LRP6: variants seen among roughly 807,000 people sequenced by gnomAD.
LRP6 encodes the protein LDL receptor related protein 6, also known as low-density lipoprotein receptor-related protein 6.
LRP6 carries 43 observed loss-of-function variants against 184.1 expected under a neutral mutation model. That is an observed-to-expected ratio of 0.23 (90% CI 0.18 to 0.30). LRP6 has a LOEUF of 0.30. LRP6 is among the 10% of genes least tolerant of loss of function. LRP6 has a pLI of 1.00. For missense variants in LRP6, 1,571 were observed against 2,005.3 expected, an observed-to-expected ratio of 0.78 and a Z score of 4.14; for synonymous variants, 719 against 684.9, an observed-to-expected ratio of 1.05 and a Z score of -0.78.
intron 2 of LRP6, among the ~76,000 whole-genome samples, chr12:12,229,079 G>A (rs553637417): frequency 3.3e-5 from 5 of 152,268 alleles, no homozygotes; most frequent in African/African-American, 1.2e-4. Flanking sequence ...TGAGGAAAAT[G>A]AAGAATATCG....
chr12:12,193,546 TGAAAGA>T (rs1412194561), intron 3 of LRP6, among the ~76,000 whole-genome samples: 1 of 150,450 alleles, frequency 6.6e-6, no homozygotes, highest in Non-Finnish European at 1.5e-5. Flanking sequence ...AAGTGATGAA[TGAAAGA>T]GAAACACTGC....
At chr12:12,122,888 T>C (rs1467738560) in intron 22 of LRP6, among the ~76,000 whole-genome samples, 1 of 152,102 alleles carries the variant, frequency 6.6e-6, no homozygotes, top group Non-Finnish European at 1.5e-5. Flanking sequence ...CCAAAAGTTA[T>C]ATGACCCACT....
At chr12:12,175,567 G>A (rs939156793) in intron 7 of LRP6, among the ~76,000 whole-genome samples, 20 of 150,120 alleles carry the variant, frequency 1.3e-4, no homozygotes, top group African/African-American at 4.7e-4. Context: ...GACGCCTGTA[G>A]TCCCAGCTAC....
chr12:12,223,892 T>C (rs917992861), intron 2 of LRP6, among the ~76,000 whole-genome samples: 4 of 152,196 alleles, frequency 2.6e-5, no homozygotes, highest in Admixed American at 1.3e-4. Context: ...CATCCACTTA[T>C]ACTTAACTGT....
chr12:12,244,977 G>C (rs1334345528), intron 1 of LRP6, among the ~76,000 whole-genome samples: 2 of 152,184 alleles, frequency 1.3e-5, no homozygotes, highest in African/African-American at 4.8e-5. Context: ...CTCTACTGGG[G>C]TGAATGTAAA....
intron 1 of LRP6, chr12:12,249,206 T>C (rs149023837): frequency 0.017 from 13,434 of 779,786 alleles, 163 homozygotes; most frequent in Non-Finnish European, 0.024. Context: ...AATGTGGACC[T>C]AAATACCCAG....
Position 12,185,824 on chromosome 12 carries a change from T to G in LRP6, c.844+1099A>C, listed in dbSNP as rs925735709. Among the ~76,000 whole-genome samples the G allele has an allele frequency of 6.7e-5, 8 of 118,984 alleles. No homozygotes were observed. The Admixed American group carries it at 7.7e-4, about 11-fold the overall frequency. 78.1% of individuals were successfully genotyped at this position (118,984 alleles called of 152,430 possible). On this transcript the variant is annotated intron_variant, in intron 4 of 22. Transcript: ENST00000261349. The stretch of plus-strand genomic sequence containing the variant: ...GTTTTCATTTAAAAAGAAGAGGCGT[T>G]TTTGTGTGTGTGTGTGTTTTTTGTT...
chr12:12,183,610 T>C (rs1055001298), intron 5 of LRP6, among the ~76,000 whole-genome samples: 2 of 152,230 alleles, frequency 1.3e-5, no homozygotes, highest in Admixed American at 1.3e-4. Flanking sequence ...AAAAGTTTAA[T>C]AAACATACTT....
chr12:12,118,186 G>A lies in LRP6; in HGVS notation c.*2940C>T, dbSNP rs1013966177. ...AAATTTCATGGAAGAAAAATTAATA[G>A]TCAGAAAATTCTATCCACCAACTCT... On this transcript the variant is annotated 3_prime_UTR_variant, in exon 23 of 23. Transcript: ENST00000261349. 12 of 152,304 alleles carry A rather than the reference G, an allele frequency of 7.9e-5. No individual in the cohort carries two copies. The highest frequency in any genetic ancestry group is 6.5e-5 in the Admixed American group (1 of 15,296). The allele number at this position is 152,304 out of a possible 1,614,324, so 9.4% of individuals were successfully genotyped here. A position where few individuals can be genotyped will look rare whatever the true frequency, so the allele number is the denominator to read the frequency against.
At chr12:12,142,241 A>T (rs921342142) in intron 15 of LRP6, among the ~76,000 whole-genome samples, 1 of 152,170 alleles carries the variant, frequency 6.6e-6, no homozygotes, top group Non-Finnish European at 1.5e-5. Context: ...AAAATTAAAC[A>T]ATAAAGAAGA....
chr12:12,221,956 G>A (rs1864500457), intron 2 of LRP6, among the ~76,000 whole-genome samples: 1 of 152,144 alleles, frequency 6.6e-6, no homozygotes, highest in Non-Finnish European at 1.5e-5. Context: ...TTTCTGAATT[G>A]ATCTAGGAGT....
intron 12 of LRP6, among the ~76,000 whole-genome samples, chr12:12,153,486 A>ATCT (rs1258503953): frequency 6.6e-6 from 1 of 152,106 alleles, no homozygotes; most frequent in Non-Finnish European, 1.5e-5. Context: ...TTAGTTGTGG[A>ATCT]TCTTGTTGTT....
chr12:12,240,308 T>TCA (rs1438859257), intron 2 of LRP6, among the ~76,000 whole-genome samples: 1 of 152,222 alleles, frequency 6.6e-6, no homozygotes, highest in Non-Finnish European at 1.5e-5. Flanking sequence ...GCACAGTGGC[T>TCA]CACGCCTGTA....
At chr12:12,186,591 G>A (rs892885078) in intron 4 of LRP6, among the ~76,000 whole-genome samples, 3 of 151,334 alleles carry the variant, frequency 2.0e-5, no homozygotes, top group Non-Finnish European at 2.9e-5. Context: ...GGTTGGCCAG[G>A]CTGGTCTCAA....
intron 14 of LRP6, 139 bp from the exon 15 acceptor site, chr12:12,147,695 G>C: frequency 4.2e-6 from 3 of 722,596 alleles, no homozygotes; most frequent in South Asian, 3.5e-5. Context: ...TTTTTGACCA[G>C]GCACAGTGGC....
intron 7 of LRP6, among the ~76,000 whole-genome samples, chr12:12,167,178 C>T (rs544195403): frequency 1.3e-5 from 2 of 152,268 alleles, no homozygotes; most frequent in East Asian, 3.9e-4. Flanking sequence ...AATTCTAAGA[C>T]CTTTTTAGTA....
chr12:12,201,127 C>T (rs1863903927), intron 3 of LRP6, among the ~76,000 whole-genome samples: 1 of 152,160 alleles, frequency 6.6e-6, no homozygotes, highest in South Asian at 2.1e-4. Flanking sequence ...TAGTAGCTTG[C>T]TTTCTGAGAT....
chr12:12,244,220 A>G (rs1865132158), intron 2 of LRP6, 42 bp downstream of exon 2: 3 of 1,609,664 alleles, frequency 1.9e-6, no homozygotes, highest in South Asian at 2.2e-5. Context: ...AGAAAAACCG[A>G]AAGGAGGTAT....
At chr12:12,161,871 T>C (rs1383429528) in intron 10 of LRP6, among the ~76,000 whole-genome samples, 1 of 152,168 alleles carries the variant, frequency 6.6e-6, no homozygotes, top group Non-Finnish European at 1.5e-5. Flanking sequence ...CTAGTATAAC[T>C]GGGAAGGAGT....
Sources: gnomAD v4.1 joint callset for allele counts (sites outside exome capture counted in the v4.1 genomes callset) on GRCh38, gnomAD v4.1.1 for gene constraint, MANE v1.5 for transcripts, NCBI Gene and HGNC (gene_info 2026-07-23, HGNC 2026-07-21) for gene names.